Variants in C8orf34 observed in about 807,000 individuals in gnomAD.
C8orf34 encodes the protein chromosome 8 open reading frame 34, also known as uncharacterized protein C8orf34.
In C8orf34, 65 loss-of-function variants were observed where a neutral mutation model predicts 68.3. The observed-to-expected ratio is 0.95, with a 90% CI of 0.78 to 1.17. The LOEUF (loss-of-function observed/expected upper bound fraction) is 1.17, where lower values mean the gene tolerates loss of function less well. Among genes scored for constraint, C8orf34 ranks in the 50% most tolerant of loss-of-function variants. The probability of loss-of-function intolerance (pLI) is 0.00; values close to 1 mark genes in which losing one functional copy is unlikely to be tolerated. For missense variants in C8orf34, 664 were observed against 655.4 expected, an observed-to-expected ratio of 1.01 and a Z score of -0.14; for synonymous variants, 244 against 241.2, an observed-to-expected ratio of 1.01 and a Z score of -0.11.
intron 8 of C8orf34, among the ~76,000 whole-genome samples, chr8:68,700,807 C>A (rs1010356587): frequency 6.6e-6 from 1 of 151,850 alleles, no homozygotes; most frequent in African/African-American, 2.4e-5. Context: ...GAGTGAGTGA[C>A]AATAAGTTGT....
intron 1 of C8orf34, among the ~76,000 whole-genome samples, chr8:68,433,111 A>G (rs1357859308): frequency 1.3e-5 from 2 of 152,190 alleles, no homozygotes; most frequent in African/African-American, 4.8e-5. Context: ...TTACCTGCTT[A>G]TTTATGAAAT....
At chr8:68,501,758 A>C (rs1813781854) in intron 5 of C8orf34, among the ~76,000 whole-genome samples, 1 of 152,188 alleles carries the variant, frequency 6.6e-6, no homozygotes, top group Non-Finnish European at 1.5e-5. Context: ...TGATCAATCC[A>C]GACAATGCCA....
chr8:68,645,235 G>A (rs982687215), intron 8 of C8orf34, among the ~76,000 whole-genome samples: 26 of 152,064 alleles, frequency 1.7e-4, no homozygotes, highest in African/African-American at 5.1e-4. Context: ...AGTTCATATC[G>A]CCTTGGAGAT....
chr8:68,698,058 A>G (rs763433600), intron 8 of C8orf34, among the ~76,000 whole-genome samples: 20 of 152,044 alleles, frequency 1.3e-4, no homozygotes, highest in Admixed American at 3.9e-4. Context: ...CTTCAAAACA[A>G]TTTACAACTT....
At chr8:68,771,302 G>A (rs527799826) in intron 10 of C8orf34, among the ~76,000 whole-genome samples, 36 of 152,182 alleles carry the variant, frequency 2.4e-4, no homozygotes, top group African/African-American at 7.2e-4. Context: ...AGAGGTTGTC[G>A]AGTTCAGAAA....
intron 8 of C8orf34, among the ~76,000 whole-genome samples, chr8:68,700,037 C>G (rs1820943304): frequency 6.6e-6 from 1 of 152,118 alleles, no homozygotes; most frequent in Non-Finnish European, 1.5e-5. Flanking sequence ...GGGCAGTCCT[C>G]TGCTATTCTA....
chr8:68,745,435 C>T (rs545079801), intron 10 of C8orf34, among the ~76,000 whole-genome samples: 1 of 152,250 alleles, frequency 6.6e-6, no homozygotes, highest in Non-Finnish European at 1.5e-5. Flanking sequence ...AAGACACACA[C>T]TGGCAAATTG....
chr8:68,375,399 A>T (rs1405240159), intron 1 of C8orf34, among the ~76,000 whole-genome samples: 1 of 152,220 alleles, frequency 6.6e-6, no homozygotes, highest in East Asian at 1.9e-4. Flanking sequence ...ACAAAAATTA[A>T]TCTAAGTAAA....
At chr8:68,405,794 AC>A (rs1809166208) in intron 1 of C8orf34, among the ~76,000 whole-genome samples, 1 of 152,192 alleles carries the variant, frequency 6.6e-6, no homozygotes, top group Non-Finnish European at 1.5e-5. Flanking sequence ...TCTGTGAGAA[AC>A]TAAAGATGAA....
intron 3 of C8orf34, among the ~76,000 whole-genome samples, chr8:68,468,169 A>T (rs1812228326): frequency 6.6e-6 from 1 of 152,008 alleles, no homozygotes; most frequent in South Asian, 2.1e-4. Flanking sequence ...CTCTCAAAAT[A>T]TATTGCTATT....
At chr8:68,593,916 A>G (rs1237395065) in intron 7 of C8orf34, among the ~76,000 whole-genome samples, 3 of 152,102 alleles carry the variant, frequency 2.0e-5, no homozygotes, top group African/African-American at 7.2e-5. Context: ...TGTCCCACAA[A>G]TTTTGATATA....
intron 7 of C8orf34, chr8:68,534,128 T>C: frequency 1.0e-6 from 1 of 982,116 alleles, no homozygotes; most frequent in South Asian, 4.7e-5. Context: ...AATGATATAT[T>C]GCTTATCATT....
At chr8:68,346,562 T>C (rs768264581) in intron 1 of C8orf34, among the ~76,000 whole-genome samples, 5 of 152,110 alleles carry the variant, frequency 3.3e-5, no homozygotes, top group Non-Finnish European at 7.4e-5. Context: ...TACAGAGTAT[T>C]TTCACTGTCC....
intron 7 of C8orf34, among the ~76,000 whole-genome samples, chr8:68,541,412 G>A (rs912009766): frequency 6.6e-6 from 1 of 152,002 alleles, no homozygotes; most frequent in Non-Finnish European, 1.5e-5. Flanking sequence ...GCTGTGGTGA[G>A]CTATGATGGC....
intron 13 of C8orf34, among the ~76,000 whole-genome samples, chr8:68,816,474 G>A (rs190376425): frequency 1.0e-3 from 155 of 152,236 alleles, no homozygotes; most frequent in African/African-American, 3.6e-3. Context: ...CAAAGGTGTT[G>A]AGATTGTCCT....
intron 10 of C8orf34, among the ~76,000 whole-genome samples, chr8:68,754,808 T>A (rs185285362): frequency 6.6e-6 from 1 of 152,330 alleles, no homozygotes; most frequent in Non-Finnish European, 1.5e-5. Flanking sequence ...AATGTCTACC[T>A]GTATATGAAA....
intron 5 of C8orf34, among the ~76,000 whole-genome samples, chr8:68,494,822 C>T (rs191615517): frequency 3.3e-4 from 50 of 151,814 alleles, no homozygotes; most frequent in African/African-American, 1.2e-3. Flanking sequence ...CGCTACTACA[C>T]TCCAGCCTGG....
chr8:68,711,953 A>T (rs964517337), intron 9 of C8orf34, among the ~76,000 whole-genome samples: 2 of 152,220 alleles, frequency 1.3e-5, no homozygotes, highest in African/African-American at 4.8e-5. Context: ...CAGGTAACCT[A>T]TAAAGGAAAA....
Position 68,488,009 on chromosome 8 carries a change from CTT to C in C8orf34, c.737-11_737-10del, listed in dbSNP as rs1299467541. ...TTCTAAAACTTTTTTTTATAAATCT[CTT>C]TTAAATCCCAGGTATTGCAATTTCA... On this transcript the variant is annotated splice_polypyrimidine_tract_variant and intron_variant, in intron 4 of 13. Transcript: ENST00000518698. 1 of 1,578,918 alleles carries C rather than the reference CTT, an allele frequency of 6.3e-7. No individual in the cohort carries two copies. The highest frequency in any genetic ancestry group is 8.6e-7 in the Non-Finnish European group (1 of 1,158,578).
Sources: allele counts gnomAD v4.1 joint callset (sites outside exome capture counted in the v4.1 genomes callset), GRCh38; gene constraint gnomAD v4.1.1; transcripts MANE v1.5; gene names NCBI Gene and HGNC (gene_info 2026-07-23, HGNC 2026-07-21).